The following GRID2 variants were observed in gnomAD, a reference collection of about 807,000 sequenced individuals.
GRID2 encodes glutamate receptor ionotropic, delta-2.
GRID2 carries 33 observed loss-of-function variants against 114.8 expected under a neutral mutation model. The ratio of observed to expected loss-of-function variants is 0.29; its 90% confidence interval spans 0.22 to 0.38. The LOEUF is 0.38. Among genes scored for constraint, GRID2 ranks in the 10% least tolerant of loss-of-function variants. GRID2 has a pLI of 1.00. For synonymous variants in GRID2, 505 were observed against 449.9 expected, an observed-to-expected ratio of 1.12 and a Z score of -1.55; for missense variants, 1,184 against 1,257.7, an observed-to-expected ratio of 0.94 and a Z score of 0.89.
intron 2 of GRID2, among the ~76,000 whole-genome samples, chr4:92,698,654 A>C (rs1734529803): frequency 6.6e-6 from 1 of 151,802 alleles, no homozygotes; most frequent in Admixed American, 6.6e-5. Flanking sequence ...AAAAGAATGG[A>C]AAAGTAGAAA....
intron 2 of GRID2, among the ~76,000 whole-genome samples, chr4:93,060,433 G>A (rs982981702): frequency 1.1e-4 from 17 of 152,058 alleles, no homozygotes; most frequent in African/African-American, 3.9e-4. Context: ...GTATTTCCTT[G>A]TCAATTTTCT....
intron 2 of GRID2, among the ~76,000 whole-genome samples, chr4:92,896,126 A>T (rs1318897814): frequency 6.6e-6 from 1 of 152,226 alleles, no homozygotes; most frequent in Non-Finnish European, 1.5e-5. Context: ...GCTGAGGTTT[A>T]TACAATTCCA....
chr4:93,657,044 T>A (rs1723087655), intron 14 of GRID2, among the ~76,000 whole-genome samples: 1 of 151,912 alleles, frequency 6.6e-6, no homozygotes, highest in Non-Finnish European at 1.5e-5. Context: ...TATCAGTTGG[T>A]ATGTTCTGGG....
At chr4:92,492,143 C>A (rs1477771119) in intron 1 of GRID2, among the ~76,000 whole-genome samples, 3 of 152,092 alleles carry the variant, frequency 2.0e-5, no homozygotes, top group African/African-American at 7.2e-5. Flanking sequence ...GAAGATTATT[C>A]TCCTATTAAA....
In GRID2 at chr4:93,216,776, G is replaced by A; in HGVS notation, c.828G>A (p.Arg276=). The change falls in exon 6 of 16, where the codon AGG becomes AGA. Residue 276 remains arginine (R), a synonymous_variant. Coordinates refer to ENST00000282020, the MANE Select transcript of GRID2 (RefSeq NM_001510.4). ...NDVDVQELVR[R]SIGRLTIIRQ... ...TGGACGTACAGGAACTTGTAAGAAG[G>A]TCAATTGGAAGGTTAACGATTATTC... 1.9e-6 allele frequency: 3 copies of A among 1,612,400 alleles called. No individual in the cohort carries two copies. Among genetic ancestry groups the A allele is most frequent in the Non-Finnish European group, 2.5e-6 (3 of 1,178,612 alleles).
At chr4:93,403,084 A>T (rs533746108) in intron 9 of GRID2, among the ~76,000 whole-genome samples, 1 of 152,238 alleles carries the variant, frequency 6.6e-6, no homozygotes, top group African/African-American at 2.4e-5. Context: ...TTGGGAAGAG[A>T]GCTGACAGCA....
intron 1 of GRID2, among the ~76,000 whole-genome samples, chr4:92,341,027 A>T (rs746319890): frequency 2.2e-4 from 34 of 152,270 alleles, no homozygotes; most frequent in Non-Finnish European, 4.0e-4. Context: ...AAGTTCTAAT[A>T]CAATATCACC....
intron 2 of GRID2, among the ~76,000 whole-genome samples, chr4:93,080,455 G>C (rs1289458055): frequency 6.6e-6 from 1 of 152,142 alleles, no homozygotes; most frequent in Non-Finnish European, 1.5e-5. Flanking sequence ...AATCCGCCAG[G>C]CTACTGTTTC....
intron 14 of GRID2, among the ~76,000 whole-genome samples, chr4:93,747,505 G>A (rs916508375): frequency 2.6e-5 from 4 of 152,104 alleles, no homozygotes; most frequent in African/African-American, 9.7e-5. Context: ...TTCAGTGCCT[G>A]TAGTTGCATG....
intron 1 of GRID2, among the ~76,000 whole-genome samples, chr4:92,517,913 A>G (rs985088090): frequency 3.9e-5 from 6 of 151,920 alleles, no homozygotes; most frequent in Non-Finnish European, 7.4e-5. Flanking sequence ...ACAAACAAAC[A>G]AACAAAAAAC....
chr4:93,438,776 C>T (rs1237074638), intron 10 of GRID2, among the ~76,000 whole-genome samples: 2 of 151,920 alleles, frequency 1.3e-5, no homozygotes, highest in African/African-American at 2.4e-5. Flanking sequence ...TGGTGTGCTG[C>T]ACCCATTAAC....
intron 2 of GRID2, among the ~76,000 whole-genome samples, chr4:92,727,550 A>G (rs1054773973): frequency 6.6e-6 from 1 of 152,084 alleles, no homozygotes; most frequent in Admixed American, 6.6e-5. Flanking sequence ...TGTGTTATAT[A>G]CTTATATGCA....
At chr4:93,785,042 T>G (rs549686697) in intron 1 of GRID2, among the ~76,000 whole-genome samples, 2 of 152,246 alleles carry the variant, frequency 1.3e-5, no homozygotes, top group South Asian at 2.1e-4. Flanking sequence ...AGAGAAAGAC[T>G]TTTTTTAGGC....
At chr4:93,701,990 G>A (rs771161133) in intron 14 of GRID2, among the ~76,000 whole-genome samples, 1 of 151,954 alleles carries the variant, frequency 6.6e-6, no homozygotes, top group Non-Finnish European at 1.5e-5. Flanking sequence ...CCAGCTGTGA[G>A]CAACTTTAAA....
At chr4:93,633,982 G>A (rs1262210384) in intron 14 of GRID2, among the ~76,000 whole-genome samples, 6 of 152,094 alleles carry the variant, frequency 3.9e-5, no homozygotes, top group Admixed American at 3.9e-4. Flanking sequence ...TATTCAGCTG[G>A]TTAAAAGAAT....
At chr4:93,011,161 T>G (rs1391480678) in intron 2 of GRID2, among the ~76,000 whole-genome samples, 1 of 151,964 alleles carries the variant, frequency 6.6e-6, no homozygotes, top group Non-Finnish European at 1.5e-5. Context: ...TCTTGGTTGC[T>G]GTTTTTTTTA....
chr4:92,530,911 G>T (rs1407434471), intron 1 of GRID2, among the ~76,000 whole-genome samples: 4 of 151,406 alleles, frequency 2.6e-5, no homozygotes, highest in African/African-American at 7.3e-5. Context: ...CATCTTGGCG[G>T]GGGGGGAGAA....
intron 8 of GRID2, among the ~76,000 whole-genome samples, chr4:93,314,743 A>T (rs1022633932): frequency 6.0e-5 from 2 of 33,444 alleles, no homozygotes; most frequent in Admixed American, 4.8e-4. Flanking sequence ...CGATGATTTC[A>T]CACACACACA....
intron 1 of GRID2, among the ~76,000 whole-genome samples, chr4:92,421,763 A>C (rs1328556756): frequency 6.6e-6 from 1 of 152,120 alleles, no homozygotes; most frequent in Non-Finnish European, 1.5e-5. Flanking sequence ...CAAATCTTGC[A>C]CAAGTTCCTT....
Sources: allele counts gnomAD v4.1 joint callset (sites outside exome capture counted in the v4.1 genomes callset), GRCh38; gene constraint gnomAD v4.1.1; transcripts MANE v1.5; gene names NCBI Gene and HGNC (gene_info 2026-07-23, HGNC 2026-07-21).